The following GRK7 variants were observed in gnomAD, a reference collection of about 807,000 sequenced individuals.
The protein encoded by GRK7 is G protein-coupled receptor kinase 7, also known as rhodopsin kinase GRK7.
In GRK7, 24 loss-of-function variants were observed where a neutral mutation model predicts 34.1. The ratio of observed to expected loss-of-function variants is 0.70; its 90% CI spans 0.51 to 0.99. The LOEUF (loss-of-function observed/expected upper bound fraction) is 0.99. GRK7 is among the 50% of genes least tolerant of loss of function. The pLI is 0.00. For missense variants in GRK7, 644 were observed against 707.3 expected (o/e 0.91, Z 1.02); for synonymous variants, 256 against 279.4 (o/e 0.92, Z 0.84).
At chr3:141,752,368 G>A in the GRK7 span, among the ~76,000 whole-genome samples, 1 of 152,182 alleles carries the variant, frequency 6.6e-6, no homozygotes, top group East Asian at 1.9e-4. Context: ...CCACAACGTA[G>A]TGGAGGTGCT....
intron 4 of GRK7, among the ~76,000 whole-genome samples, chr3:141,792,401 C>T (rs1488472520): frequency 7.7e-6 from 1 of 130,404 alleles, no homozygotes; most frequent in Non-Finnish European, 1.6e-5. Flanking sequence ...AAGATTTTGT[C>T]TCAAAAAAAA....
At chr3:141,814,315 T>C (rs1442418315) in intron 5 of GRK7, among the ~76,000 whole-genome samples, 1 of 152,186 alleles carries the variant, frequency 6.6e-6, no homozygotes, top group Non-Finnish European at 1.5e-5. Flanking sequence ...TTGGATGCAA[T>C]TGAATCTATC....
intron 4 of GRK7, among the ~76,000 whole-genome samples, chr3:141,783,512 A>G (rs992140182): frequency 1.4e-4 from 21 of 152,152 alleles, no homozygotes; most frequent in African/African-American, 4.8e-4. Context: ...TTCAGGGAGG[A>G]AAGTGTGGTC....
chr3:141,807,603 CTTTG>C (rs1163264795), intron 4 of GRK7, 38 bp from the exon 5 acceptor site: 1 of 1,577,480 alleles, frequency 6.3e-7, no homozygotes. Context: ...ACCTTAGTGT[CTTTG>C]TTCTGTGTTG....
At chr3:141,779,593 G>A (rs2084661125) in intron 3 of GRK7, among the ~76,000 whole-genome samples, 1 of 152,078 alleles carries the variant, frequency 6.6e-6, no homozygotes. Flanking sequence ...CAATGCAGTG[G>A]CACTTCGCAC....
chr3:141,765,465 C>T lies in GRK7; in HGVS notation c.-488C>T, dbSNP rs2084576491. On this transcript the variant is annotated 5_prime_UTR_variant, in exon 1 of 6. Coordinates refer to ENST00000682958, the MANE Select transcript of GRK7 (RefSeq NM_139209.3). ...ATCTGTGGTGGGTTGGAAAACATGG[C>T]CACAGTATTTTACAGCTACTCCTAT... 6.6e-6 allele frequency among the ~76,000 whole-genome samples: 1 copy of T among 152,100 alleles called. No homozygotes were observed. Among genetic ancestry groups the T allele is most frequent in the Non-Finnish European group, 1.5e-5 (1 of 68,018 alleles).
intron 1 of GRK7, among the ~76,000 whole-genome samples, chr3:141,774,352 G>A (rs1480950483): frequency 6.6e-6 from 1 of 152,078 alleles, no homozygotes; most frequent in African/African-American, 2.4e-5. Context: ...AGCCCAGGAG[G>A]TTGAGGCTGC....
chr3:141,767,405 T>G (rs1017174191), intron 1 of GRK7, among the ~76,000 whole-genome samples: 1 of 130,336 alleles, frequency 7.7e-6, no homozygotes, highest in African/African-American at 3.0e-5. Flanking sequence ...TGTTTTTTGT[T>G]TTTTTTTTTT....
At chr3:141,805,179 CTA>C (rs1382423506) in intron 4 of GRK7, among the ~76,000 whole-genome samples, 1 of 152,124 alleles carries the variant, frequency 6.6e-6, no homozygotes, top group African/African-American at 2.4e-5. Context: ...GCTCCACACT[CTA>C]TTGAATCAAC....
intron 4 of GRK7, among the ~76,000 whole-genome samples, chr3:141,783,702 A>G (rs1433523268): frequency 6.6e-6 from 1 of 151,962 alleles, no homozygotes; most frequent in Non-Finnish European, 1.5e-5. Context: ...GGGGAAATGG[A>G]GTTTTGAGAT....
At chr3:141,815,574 A>G (rs1210177150) in intron 5 of GRK7, among the ~76,000 whole-genome samples, 1 of 152,060 alleles carries the variant, frequency 6.6e-6, no homozygotes, top group African/African-American at 2.4e-5. Flanking sequence ...TGGCATTCAT[A>G]CTCATGTATA....
chr3:141,779,457 T>TTGAAG (rs1401327385), intron 3 of GRK7, among the ~76,000 whole-genome samples: 1 of 151,876 alleles, frequency 6.6e-6, no homozygotes, highest in East Asian at 1.9e-4. Context: ...AACACTTATC[T>TTGAAG]TGAAGTAAGG....
chr3:141,780,978 T>G (rs2084669930), intron 4 of GRK7, among the ~76,000 whole-genome samples, 167 bp downstream of exon 4: 1 of 152,188 alleles, frequency 6.6e-6, no homozygotes, highest in Non-Finnish European at 1.5e-5. Flanking sequence ...TGTAAGAGGA[T>G]TAGATTCATT....
At chr3:141,756,274 T>C in the GRK7 span, among the ~76,000 whole-genome samples, 4 of 142,996 alleles carry the variant, frequency 2.8e-5, no homozygotes, top group South Asian at 9.1e-4. Flanking sequence ...ATCGTGCTAC[T>C]GCACTCCAGC....
At chr3:141,792,962 A>G (rs1221673591) in intron 4 of GRK7, among the ~76,000 whole-genome samples, 1 of 152,212 alleles carries the variant, frequency 6.6e-6, no homozygotes, top group Admixed American at 6.5e-5. Flanking sequence ...CTGATAGCCA[A>G]TCACGTGGAG....
In GRK7 at chr3:141,797,277, C is replaced by G. The variant is rs549367756; in HGVS notation, c.1051-10368C>G. Reference sequence around the variant, plus strand: ...GCGGCAGAAAGCGAGCCCTGAGAAGCCAGGGGCAGGAGCGGCCTCCGCGCG... The same window carrying G: ...GCGGCAGAAAGCGAGCCCTGAGAAGGCAGGGGCAGGAGCGGCCTCCGCGCG... On this transcript the variant is annotated intron_variant, in intron 4 of 5. Transcript: ENST00000682958. Among the ~76,000 whole-genome samples, 770 of 152,312 alleles carry G rather than the reference C, an allele frequency of 5.1e-3. 5 individuals carry two copies. The highest frequency in any genetic ancestry group is 8.3e-3 in the Non-Finnish European group (564 of 68,026).
the GRK7 span, among the ~76,000 whole-genome samples, chr3:141,756,072 G>A: frequency 2.0e-5 from 3 of 151,340 alleles, no homozygotes; most frequent in Non-Finnish European, 4.4e-5. Flanking sequence ...AGCACTTTGC[G>A]AGGCCGAGGT....
chr3:141,808,030 T>C, intron 5 of GRK7, 111 bp downstream of exon 5: 8 of 964,226 alleles, frequency 8.3e-6, no homozygotes, highest in Non-Finnish European at 1.0e-5. Context: ...ATGATTTTCT[T>C]ATTTTTATTT....
chr3:141,778,883 G>A lies in GRK7; in HGVS notation c.599G>A (p.Gly200Asp). The A allele has an allele frequency of 6.2e-7, 1 of 1,610,314 alleles. No homozygotes were observed. The highest frequency in any genetic ancestry group is 8.5e-7 in the Non-Finnish European group (1 of 1,178,224). ...YFTEFRVLGK[G>D]GFGEVCAVQV... is the part of the protein sequence containing the mutation. ...ACTGAGTTCAGAGTGCTGGGGAAAG[G>A]TGGTTTTGGGGAGGTAAGTGTCTCC... Residue 200 changes from glycine (G) to aspartate (D), a missense_variant, in exon 3 of 6, where the codon GGT becomes GAT. Gly to Asp is a moderately conservative substitution (Grantham distance 94). Coordinates refer to ENST00000682958, the MANE Select transcript of GRK7 (RefSeq NM_139209.3). This position sits in a 1 kb window ranked among gnomAD's most constrained non-coding sequence, Gnocchi z 4.1.
Sources: gnomAD v4.1 joint callset for allele counts (sites outside exome capture counted in the v4.1 genomes callset) on GRCh38, gnomAD v4.1.1 for gene constraint, Gnocchi (gnomAD v3.1) non-coding constraint, MANE v1.5 for transcripts, NCBI Gene and HGNC (gene_info 2026-07-23, HGNC 2026-07-21) for gene names.